Variants in GALNT18 observed in about 807,000 individuals in gnomAD.
GALNT18 encodes the protein GalNAc-transferase 18.
GALNT18 carries 44 observed loss-of-function variants against 69.5 expected under a neutral mutation model. The ratio of observed to expected loss-of-function variants is 0.63; its 90% confidence interval spans 0.50 to 0.81. The LOEUF is 0.81. Ranked by LOEUF, GALNT18 falls within the 40% of genes least tolerant of loss-of-function variation. GALNT18 has a pLI of 0.00. For missense variants in GALNT18, 715 were observed against 810.0 expected (o/e 0.88, Z 1.42); for synonymous variants, 364 against 318.2 (o/e 1.14, Z -1.53).
chr11:11,581,927 A>T lies in GALNT18; in HGVS notation c.235+39432T>A, dbSNP rs151202170. Among the ~76,000 whole-genome samples the T allele has an allele frequency of 7.4e-3, 1,119 of 152,194 alleles. 19 individuals carry two copies. The highest frequency in any genetic ancestry group is 0.026 in the African/African-American group (1,060 of 41,510). ...GTCCACCAGATGTCAGGCATCTGGT[A>T]TACCAGATAGGGGGCTAAAGAGGAC... is the stretch of plus-strand genomic sequence containing the variant. On this transcript the variant is annotated intron_variant, in intron 1 of 10. Coordinates refer to ENST00000227756, the MANE Select transcript of GALNT18 (RefSeq NM_198516.3).
At chr11:11,330,823 G>C (rs1310646003) in intron 8 of GALNT18, among the ~76,000 whole-genome samples, 1 of 152,222 alleles carries the variant, frequency 6.6e-6, no homozygotes, top group African/African-American at 2.4e-5. Context: ...CCAAGACCCA[G>C]AATTGCAGTG....
intron 9 of GALNT18, among the ~76,000 whole-genome samples, chr11:11,294,564 G>A (rs1849361926): frequency 6.7e-6 from 1 of 149,392 alleles, no homozygotes; most frequent in Non-Finnish European, 1.5e-5. Flanking sequence ...GGACCATACA[G>A]CCTCTGAAAA....
At chr11:11,277,015 G>A in intron 10 of GALNT18, among the ~76,000 whole-genome samples, 1 of 152,208 alleles carries the variant, frequency 6.6e-6, no homozygotes, top group East Asian at 1.9e-4. Context: ...TCAGGATGCT[G>A]CTGGCCTCAT....
intron 10 of GALNT18, among the ~76,000 whole-genome samples, chr11:11,285,385 AAC>A (rs1307607494): frequency 6.6e-6 from 1 of 152,202 alleles, no homozygotes; most frequent in African/African-American, 2.4e-5. Context: ...ACATTTATAA[AAC>A]AGAGTAGTGC....
Position 11,293,141 on chromosome 11 carries a change from G to C in GALNT18, c.1565C>G (p.Thr522Ser). ...QQIHVGILSP[T>S]VDDDDNRCLV... is the part of the protein sequence containing the mutation. ...GCATCGGTTGTCATCATCATCCACG[G>C]TGGGGCTCAGAATGCCCACATGGAT... Residue 522 changes from threonine (T) to serine (S), a missense_variant, in exon 10 of 11, where the codon ACC becomes AGC. Coordinates refer to ENST00000227756, the MANE Select transcript of GALNT18 (RefSeq NM_198516.3). 2.9e-6 allele frequency: 4 copies of C among 1,360,770 alleles called. No homozygotes were observed. The highest frequency in any genetic ancestry group is 3.8e-6 in the Non-Finnish European group (4 of 1,046,606). 84.3% of individuals were successfully genotyped at this position (1,360,770 alleles called of 1,614,324 possible).
chr11:11,324,642 T>A (rs1240783086), intron 9 of GALNT18, among the ~76,000 whole-genome samples: 1 of 148,014 alleles, frequency 6.8e-6, no homozygotes, highest in African/African-American at 2.5e-5. Flanking sequence ...TTAATTTGCA[T>A]TTCCCTGATG....
Position 11,569,644 on chromosome 11 carries a change from G to A in GALNT18, c.235+51715C>T, listed in dbSNP as rs543286456. Reference sequence around the variant, plus strand: ...ACCAAGGGCTATGTCCCATCTGCCTGGGCAAACTGTCCTTCCTGAAATGGC... The same window carrying A: ...ACCAAGGGCTATGTCCCATCTGCCTAGGCAAACTGTCCTTCCTGAAATGGC... On this transcript the variant is annotated intron_variant, in intron 1 of 10. Coordinates refer to ENST00000227756, the MANE Select transcript of GALNT18 (RefSeq NM_198516.3). Among the ~76,000 whole-genome samples, 42 of 152,264 alleles carry A rather than the reference G, an allele frequency of 2.8e-4. No homozygotes were observed. In the South Asian group the frequency reaches 5.6e-3, roughly 20 times the overall value.
chr11:11,534,355 G>A (rs563475358), intron 1 of GALNT18, among the ~76,000 whole-genome samples: 2 of 152,332 alleles, frequency 1.3e-5, no homozygotes, highest in South Asian at 2.1e-4. Context: ...GGCATAATAT[G>A]AAAGGAGAAT....
At chr11:11,316,102 G>A (rs1849748227) in intron 9 of GALNT18, among the ~76,000 whole-genome samples, 1 of 152,158 alleles carries the variant, frequency 6.6e-6, no homozygotes, top group Non-Finnish European at 1.5e-5. Context: ...AAAGCTGCAG[G>A]AGTGTACGAG....
chr11:11,319,707 A>G (rs867042482), intron 9 of GALNT18, among the ~76,000 whole-genome samples: 23 of 152,340 alleles, frequency 1.5e-4, no homozygotes, highest in Admixed American at 6.5e-4. Flanking sequence ...CGGAGATGTC[A>G]AAATAACCTG....
chr11:11,443,179 C>G (rs1295252293), intron 2 of GALNT18, among the ~76,000 whole-genome samples: 2 of 152,176 alleles, frequency 1.3e-5, no homozygotes, highest in African/African-American at 2.4e-5. Flanking sequence ...CCTGGCCCGG[C>G]TGGGGTGAGA....
chr11:11,330,730 G>T (rs986965573), intron 8 of GALNT18, among the ~76,000 whole-genome samples: 1 of 152,220 alleles, frequency 6.6e-6, no homozygotes, highest in African/African-American at 2.4e-5. Flanking sequence ...TTCTGGGGAT[G>T]GCATGGAGGG....
chr11:11,474,915 C>T (rs925386422), intron 1 of GALNT18, among the ~76,000 whole-genome samples: 11 of 152,168 alleles, frequency 7.2e-5, no homozygotes, highest in African/African-American at 1.9e-4. Context: ...GTCTAAAATG[C>T]CCTGACCTGC....
chr11:11,526,445 C>T (rs143817276), intron 1 of GALNT18, among the ~76,000 whole-genome samples: 1,907 of 152,270 alleles, frequency 0.013, 15 homozygotes, highest in Middle Eastern at 0.031. Flanking sequence ...CTTTCATTGT[C>T]TTTCTGCTAT....
At chr11:11,594,593 G>C (rs1386805834) in intron 1 of GALNT18, among the ~76,000 whole-genome samples, 1 of 151,918 alleles carries the variant, frequency 6.6e-6, no homozygotes, top group Non-Finnish European at 1.5e-5. Flanking sequence ...CTTTCACTTA[G>C]TATAATGTTT....
rs564930386 is a variant in GALNT18, at chr11:11,618,305, A to G, written c.235+3054T>C. ...GTGGTAACACTTTCATTAATAACCA[A>G]CGTGGCCATAGGCATCAGCACTCAT... is the stretch of plus-strand genomic sequence containing the variant. On this transcript the variant is annotated intron_variant, in intron 1 of 10. Coordinates refer to ENST00000227756, the MANE Select transcript of GALNT18 (RefSeq NM_198516.3). The surrounding 1 kb of genome is among the most constrained non-coding windows in gnomAD (Gnocchi z 6.1). Among the ~76,000 whole-genome samples, 17 of 152,326 alleles carry G rather than the reference A, an allele frequency of 1.1e-4. No homozygotes were observed. Among genetic ancestry groups the G allele is most frequent in the South Asian group, 6.2e-4 (3 of 4,830 alleles).
intron 1 of GALNT18, among the ~76,000 whole-genome samples, chr11:11,502,227 C>T (rs954273205): frequency 6.6e-6 from 1 of 152,170 alleles, no homozygotes; most frequent in Non-Finnish European, 1.5e-5. Context: ...AGAATTTATG[C>T]GCTCCTGGGG....
chr11:11,474,350 T>C (rs1856341301), intron 1 of GALNT18, among the ~76,000 whole-genome samples: 1 of 152,084 alleles, frequency 6.6e-6, no homozygotes, highest in African/African-American at 2.4e-5. Context: ...GGCACGAGTG[T>C]GATTGGCTGA....
chr11:11,522,369 A>G (rs1356877042), intron 1 of GALNT18, among the ~76,000 whole-genome samples: 1 of 152,178 alleles, frequency 6.6e-6, no homozygotes, highest in Non-Finnish European at 1.5e-5. Flanking sequence ...TAAGGCTAAG[A>G]ACGGGAATGG....
Sources: allele counts gnomAD v4.1 joint callset (sites outside exome capture counted in the v4.1 genomes callset), GRCh38; gene constraint gnomAD v4.1.1; non-coding constraint Gnocchi (gnomAD v3.1); transcripts MANE v1.5; gene names NCBI Gene and HGNC (gene_info 2026-07-23, HGNC 2026-07-21).